Variants in SPATA13 observed in about 807,000 individuals in gnomAD.
SPATA13 encodes spermatogenesis associated 13.
Under a neutral mutation model 104.0 loss-of-function variants are expected in SPATA13, and 50 were observed. The ratio of observed to expected loss-of-function variants is 0.48; its 90% confidence interval spans 0.38 to 0.61. SPATA13 has a LOEUF of 0.61. Among genes scored for constraint, SPATA13 ranks in the 20% least tolerant of loss-of-function variants. The pLI is 0.00. For synonymous variants in SPATA13, 606 were observed against 667.5 expected, an observed-to-expected ratio of 0.91 and a Z score of 1.42; for missense variants, 1,524 against 1,690.6, an observed-to-expected ratio of 0.90 and a Z score of 1.73.
At chr13:24,100,033 C>T (rs1196031462) in intron 3 of SPATA13, among the ~76,000 whole-genome samples, 2 of 152,110 alleles carry the variant, frequency 1.3e-5, no homozygotes, top group Admixed American at 6.5e-5. Context: ...TCTTTGCTGA[C>T]CAGAGTGCTG....
At chr13:24,238,348 G>A (rs1872677950) in intron 2 of SPATA13, among the ~76,000 whole-genome samples, 1 of 152,126 alleles carries the variant, frequency 6.6e-6, no homozygotes, top group East Asian at 1.9e-4. Flanking sequence ...GTAGGGACAG[G>A]GTTTTGCCAT....
chr13:24,238,667 T>A (rs750609136), intron 2 of SPATA13, among the ~76,000 whole-genome samples: 1 of 152,138 alleles, frequency 6.6e-6, no homozygotes, highest in African/African-American at 2.4e-5. Flanking sequence ...GCGGCTGAAG[T>A]CTTGCATACA....
chr13:24,002,298 T>C (rs1441603521), intron 2 of SPATA13, among the ~76,000 whole-genome samples: 1 of 152,206 alleles, frequency 6.6e-6, no homozygotes, highest in Non-Finnish European at 1.5e-5. Context: ...GACAGGTATC[T>C]ACCAGTCTCC....
intron 2 of SPATA13, among the ~76,000 whole-genome samples, chr13:23,988,216 G>A (rs1214503959): frequency 4.6e-5 from 7 of 152,166 alleles, no homozygotes; most frequent in Non-Finnish European, 1.0e-4. Flanking sequence ...TGAAGTGCTG[G>A]GATTACAGGC....
chr13:24,072,109 A>G (rs1297075229), intron 3 of SPATA13, among the ~76,000 whole-genome samples: 2 of 152,244 alleles, frequency 1.3e-5, no homozygotes, highest in African/African-American at 2.4e-5. Context: ...TACAAAATTG[A>G]ACACACAAGT....
intron 1 of SPATA13, among the ~76,000 whole-genome samples, chr13:24,192,904 C>G (rs1325007912): frequency 6.6e-6 from 1 of 152,168 alleles, no homozygotes; most frequent in East Asian, 1.9e-4. Flanking sequence ...CCTGGGAGCA[C>G]TGGTAGAGAT....
intron 8 of SPATA13, among the ~76,000 whole-genome samples, 157 bp from the exon 9 acceptor site, chr13:24,290,495 G>T (rs1876266018): frequency 2.6e-5 from 4 of 152,148 alleles, no homozygotes; most frequent in Admixed American, 2.6e-4. Context: ...TGGCAGGGCA[G>T]CTTGGGTGCC....
chr13:23,998,625 C>T (rs2765172), intron 2 of SPATA13, among the ~76,000 whole-genome samples: 116,599 of 151,580 alleles, frequency 0.77, 44,956 homozygotes, highest in African/African-American at 0.8. Flanking sequence ...TGATTTTTTG[C>T]TGTATTTGTG....
rs1033249570 is a variant in SPATA13 at position 24,042,151 on chromosome 13, G to A, written c.-112+24450G>A. On this transcript the variant is annotated intron_variant, in intron 3 of 14. Transcript: ENST00000424834. ...GTGTCCTCTGTGTCACGGGAGCGTTGGCTATGACCACCTAGTGTGGGTTGT... is the reference window on the plus strand; with the variant it reads ...GTGTCCTCTGTGTCACGGGAGCGTTAGCTATGACCACCTAGTGTGGGTTGT... 8.5e-5 allele frequency among the ~76,000 whole-genome samples: 13 copies of A among 152,192 alleles called. No homozygotes were observed. The East Asian group carries it at 1.7e-3, about 20-fold the overall frequency.
intron 9 of SPATA13, among the ~76,000 whole-genome samples, chr13:24,292,081 G>A (rs1027613026): frequency 2.0e-5 from 3 of 152,198 alleles, no homozygotes; most frequent in Non-Finnish European, 4.4e-5. Flanking sequence ...TATCTGCCTT[G>A]GTTGTTTCTG....
At chr13:24,012,634 C>G (rs1446808685) in intron 2 of SPATA13, among the ~76,000 whole-genome samples, 3 of 152,230 alleles carry the variant, frequency 2.0e-5, no homozygotes, top group Admixed American at 6.5e-5. Flanking sequence ...CTCCTGGAGT[C>G]TGTTCCCTCC....
At chr13:24,122,248 C>T in intron 3 of SPATA13, 1 of 1,318,104 alleles carries the variant, frequency 7.6e-7, no homozygotes, top group Non-Finnish European at 1.1e-6. Context: ...GAGTCAGAGC[C>T]TGATACCACA....
At chr13:24,095,829 C>T (rs781486576) in intron 3 of SPATA13, among the ~76,000 whole-genome samples, 8 of 152,304 alleles carry the variant, frequency 5.3e-5, no homozygotes, top group South Asian at 4.1e-4. Flanking sequence ...CTGTAAAAAC[C>T]GTCATTTCTA....
At chr13:24,181,939 A>T (rs1456984036) in intron 1 of SPATA13, among the ~76,000 whole-genome samples, 1 of 152,126 alleles carries the variant, frequency 6.6e-6, no homozygotes, top group African/African-American at 2.4e-5. Context: ...ACATGGTGAA[A>T]CCCCATCTCT....
intron 9 of SPATA13, among the ~76,000 whole-genome samples, chr13:24,292,227 T>TC (rs1316808400): frequency 6.6e-6 from 1 of 152,262 alleles, no homozygotes; most frequent in Non-Finnish European, 1.5e-5. Flanking sequence ...ATTAGGCATG[T>TC]CACCCATTCA....
At chr13:24,177,626 A>AT (rs1868513069) in intron 1 of SPATA13, among the ~76,000 whole-genome samples, 1 of 151,740 alleles carries the variant, frequency 6.6e-6, no homozygotes, top group African/African-American at 2.4e-5. Flanking sequence ...TGCCTAGCTA[A>AT]TTTTTTAAAT....
chr13:24,253,445 C>A, intron 4 of SPATA13, among the ~76,000 whole-genome samples: 1 of 145,688 alleles, frequency 6.9e-6, no homozygotes. Flanking sequence ...CAGTTCCATG[C>A]AGTGCCTCTT....
At chr13:24,040,389 G>A (rs1877873497) in intron 3 of SPATA13, among the ~76,000 whole-genome samples, 1 of 152,192 alleles carries the variant, frequency 6.6e-6, no homozygotes, top group African/African-American at 2.4e-5. Context: ...AACAGCATCT[G>A]TCTATATGTT....
rs1333789422 is a variant in SPATA13, at chr13:24,205,582, T to C, written c.-111-17237T>C. Among the ~76,000 whole-genome samples the C allele has an allele frequency of 2.6e-5, 4 of 152,200 alleles. No homozygotes were observed. In the South Asian group the frequency reaches 6.2e-4, roughly 24 times the overall value. ...ATTCTTCACAGAATTAGAAAAAAAC[T>C]ATTTTAAAATTCATGTGGACCAAAA... is the stretch of plus-strand genomic sequence containing the variant. On this transcript the variant is annotated intron_variant, in intron 1 of 12. Coordinates refer to ENST00000382108, the MANE Select transcript of SPATA13 (RefSeq NM_001166271.3). The surrounding 1 kb of genome is among the most constrained non-coding windows in gnomAD (Gnocchi z 4.1).
Sources: allele counts gnomAD v4.1 joint callset (sites outside exome capture counted in the v4.1 genomes callset), GRCh38; gene constraint gnomAD v4.1.1; non-coding constraint Gnocchi (gnomAD v3.1); transcripts MANE v1.5; gene names NCBI Gene and HGNC (gene_info 2026-07-23, HGNC 2026-07-21).